The following PFDN1 variants were observed in gnomAD, a reference collection of about 807,000 sequenced individuals.
PFDN1 encodes prefoldin 1.
Under a neutral mutation model 17.3 loss-of-function variants are expected in PFDN1, and 6 were observed. The ratio of observed to expected loss-of-function variants is 0.35; its 90% CI spans 0.19 to 0.69. The LOEUF is 0.69. Among genes scored for constraint, PFDN1 ranks in the 30% least tolerant of loss-of-function variants. PFDN1 has a pLI of 0.65. For missense variants in PFDN1, 113 were observed against 146.2 expected (o/e 0.77, Z 1.17); for synonymous variants, 58 against 50.1 (o/e 1.16, Z -0.67).
chr5:140,287,144 G>A (rs745371811), intron 2 of PFDN1, among the ~76,000 whole-genome samples: 3 of 152,200 alleles, frequency 2.0e-5, no homozygotes, highest in Non-Finnish European at 4.4e-5. Flanking sequence ...AGGAGATACA[G>A]GCAAACAATT....
chr5:140,278,557 C>CAAAA (rs113129230), intron 3 of PFDN1, among the ~76,000 whole-genome samples: 44 of 79,004 alleles, frequency 5.6e-4, no homozygotes, highest in Middle Eastern at 7.7e-3. Flanking sequence ...GACTCTGTCT[C>CAAAA]AAAAAAAAAA....
At chr5:140,291,017 T>TA (rs1429718606) in intron 2 of PFDN1, among the ~76,000 whole-genome samples, 1 of 152,166 alleles carries the variant, frequency 6.6e-6, no homozygotes, top group African/African-American at 2.4e-5. Flanking sequence ...ATTGCCTCTT[T>TA]AGAAACAACC....
intron 3 of PFDN1, among the ~76,000 whole-genome samples, chr5:140,265,047 G>C (rs368303174): frequency 1.3e-5 from 2 of 152,190 alleles, no homozygotes; most frequent in East Asian, 3.9e-4. Context: ...ATTTTACTCA[G>C]GATTCCACAG....
Position 140,273,932 on chromosome 5 carries a change from T to A in PFDN1, c.285+7517A>T, listed in dbSNP as rs1747563299. 5.1e-6 allele frequency: 5 copies of A among 982,032 alleles called. No individual in the cohort carries two copies. The Admixed American group carries it at 3.1e-4, about 60-fold the overall frequency. The allele number at this position is 982,032 out of a possible 1,614,324, so 60.8% of individuals were successfully genotyped here. ...CTTTAGGTTGAAGCAGTAACTGGCC[T>A]CCACCTGGAACAAAAAAAACATAAG... On this transcript the variant is annotated intron_variant, in intron 3 of 3. Transcript: ENST00000261813.
intron 3 of PFDN1, among the ~76,000 whole-genome samples, chr5:140,272,513 C>T (rs369823846): frequency 3.3e-5 from 5 of 151,782 alleles, no homozygotes; most frequent in South Asian, 4.2e-4. Context: ...GCGCCCACCA[C>T]CACGCCCGGC....
At chr5:140,301,710 C>T (rs551354088) in intron 1 of PFDN1, among the ~76,000 whole-genome samples, 55 of 152,180 alleles carry the variant, frequency 3.6e-4, no homozygotes, top group African/African-American at 1.3e-3. Flanking sequence ...TTGCATTCAC[C>T]GCCCGCAAGT....
rs1289469302 is a variant in PFDN1 at position 140,276,991 on chromosome 5, G to A, written c.285+4458C>T. ...TCCTAGCACTTTGGGAGGCCAAGGC[G>A]GGCAGATCACCCGAGGTCAGGAGTT... On this transcript the variant is annotated intron_variant, in intron 3 of 3. Coordinates refer to ENST00000261813, the MANE Select transcript of PFDN1 (RefSeq NM_002622.5). 3.9e-5 allele frequency among the ~76,000 whole-genome samples: 6 copies of A among 151,912 alleles called. No individual in the cohort carries two copies. In the South Asian group the frequency reaches 6.2e-4, roughly 16 times the overall value.
chr5:140,282,244 A>G (rs1231784146), intron 2 of PFDN1, among the ~76,000 whole-genome samples: 1 of 151,350 alleles, frequency 6.6e-6, no homozygotes, highest in Non-Finnish European at 1.5e-5. Context: ...GTAGATTCAT[A>G]TGTAAAAGAA....
At chr5:140,300,776 A>G (rs1765732608) in intron 1 of PFDN1, among the ~76,000 whole-genome samples, 194 bp from the exon 2 acceptor site, 1 of 152,240 alleles carries the variant, frequency 6.6e-6, no homozygotes, top group African/African-American at 2.4e-5. Flanking sequence ...TCATCAGAAG[A>G]TACAATCAGT....
chr5:140,261,414 G>A (rs1765064110), intron 3 of PFDN1, among the ~76,000 whole-genome samples: 1 of 152,096 alleles, frequency 6.6e-6, no homozygotes, highest in Non-Finnish European at 1.5e-5. Flanking sequence ...AGAGCCAATG[G>A]ACAAACAAGA....
intron 1 of PFDN1, among the ~76,000 whole-genome samples, chr5:140,302,431 C>CTGGTTT (rs1041123894): frequency 4.6e-5 from 7 of 152,160 alleles, no homozygotes; most frequent in Non-Finnish European, 1.0e-4. Flanking sequence ...GAAAACTTTA[C>CTGGTTT]TGGTTTTGTT....
At chr5:140,272,681 G>A (rs1205651956) in intron 3 of PFDN1, among the ~76,000 whole-genome samples, 1 of 152,090 alleles carries the variant, frequency 6.6e-6, no homozygotes, top group East Asian at 1.9e-4. Flanking sequence ...TTTGAAAAAG[G>A]AAATAATTAT....
At chr5:140,264,015 C>A in intron 3 of PFDN1, among the ~76,000 whole-genome samples, 1 of 48,514 alleles carries the variant, frequency 2.1e-5, no homozygotes. Flanking sequence ...AGTGAGACTC[C>A]ATCTCAAAAA....
chr5:140,272,116 T>C (rs539451895), intron 3 of PFDN1, among the ~76,000 whole-genome samples: 16 of 151,548 alleles, frequency 1.1e-4, no homozygotes, highest in Admixed American at 8.5e-4. Context: ...ACCACCAGGG[T>C]TCAAGCGATT....
chr5:140,283,292 G>T (rs1765437562), intron 2 of PFDN1, among the ~76,000 whole-genome samples: 1 of 152,112 alleles, frequency 6.6e-6, no homozygotes, highest in Non-Finnish European at 1.5e-5. Flanking sequence ...GAGTGCAGTG[G>T]CATGATCTTG....
chr5:140,273,813 G>C (rs186152927), intron 3 of PFDN1: 18 of 602,486 alleles, frequency 3.0e-5, no homozygotes, highest in Admixed American at 1.3e-4. Flanking sequence ...GTGGTGAAAG[G>C]GGTGGTAACC....
intron 3 of PFDN1, among the ~76,000 whole-genome samples, chr5:140,264,689 G>T (rs369960526): frequency 2.0e-5 from 3 of 151,552 alleles, no homozygotes; most frequent in African/African-American, 7.3e-5. Context: ...AAAAAACACA[G>T]AATTAATTAT....
intron 3 of PFDN1, among the ~76,000 whole-genome samples, chr5:140,248,598 G>A (rs1158374404): frequency 1.3e-5 from 2 of 152,196 alleles, no homozygotes; most frequent in African/African-American, 2.4e-5. Flanking sequence ...CAGGGACTCT[G>A]GTCTGTTGCA....
intron 2 of PFDN1, among the ~76,000 whole-genome samples, chr5:140,296,513 G>C (rs574950469): frequency 7.9e-5 from 12 of 152,052 alleles, no homozygotes; most frequent in Non-Finnish European, 1.5e-4. Flanking sequence ...TGCCCCAGGG[G>C]CTGAAAAAAT....
Sources: allele counts gnomAD v4.1 joint callset (sites outside exome capture counted in the v4.1 genomes callset), GRCh38; gene constraint gnomAD v4.1.1; transcripts MANE v1.5; gene names NCBI Gene and HGNC (gene_info 2026-07-23, HGNC 2026-07-21).